EEA1: variants seen among roughly 807,000 people sequenced by gnomAD.
The protein encoded by EEA1 is early endosome antigen 1, also known as early endosome antigen 1, 162kD.
EEA1 carries 111 observed loss-of-function variants against 209.2 expected under a neutral mutation model. That is an observed-to-expected ratio of 0.53 (90% CI 0.45 to 0.62). The LOEUF (loss-of-function observed/expected upper bound fraction) is 0.62, where lower values mean the gene tolerates loss of function less well. EEA1 is among the 20% of genes least tolerant of loss of function. The pLI is 0.00. For synonymous variants in EEA1, 536 were observed against 540.6 expected (o/e 0.99, Z 0.12); for missense variants, 1,343 against 1,530.8 (o/e 0.88, Z 2.05).
intron 9 of EEA1, among the ~76,000 whole-genome samples, chr12:92,846,556 T>A (rs1009007176): frequency 1.3e-5 from 2 of 152,208 alleles, no homozygotes; most frequent in African/African-American, 4.8e-5. Context: ...ATCATTTCCA[T>A]TAAATACTAC....
intron 11 of EEA1, among the ~76,000 whole-genome samples, chr12:92,830,580 G>T (rs956024853): frequency 1.3e-5 from 2 of 152,022 alleles, no homozygotes; most frequent in East Asian, 1.9e-4. Context: ...GGAATAAAAA[G>T]AATATTTCAG....
chr12:92,842,634 T>TAA, intron 9 of EEA1, 53 bp from the exon 10 acceptor site: 1 of 1,074,628 alleles, frequency 9.3e-7, no homozygotes, highest in Non-Finnish European at 1.4e-6. Flanking sequence ...GTCTAAAAGA[T>TAA]AAAAAAAATG....
At position 92,821,985 on chromosome 12, in the gene EEA1, C is replaced by CATAT. The variant is rs200890634; in HGVS notation, c.1525-2478_1525-2475dup. 6.7e-5 allele frequency among the ~76,000 whole-genome samples: 10 copies of CATAT among 149,208 alleles called. No individual in the cohort carries two copies. The South Asian group carries it at 1.7e-3, about 25-fold the overall frequency. ...ACTACTCTTCTTCTGATCCATGAGA[C>CATAT]ATATATATATATACATATAACTACA... On this transcript the variant is annotated intron_variant, in intron 13 of 28. Transcript: ENST00000322349.
In EEA1 at chr12:92,775,985, T is replaced by C; in HGVS notation, c.*26A>G. ...TATTAAAAATCTAATGTTAGTGTAA[T>C]ATTACTCTGAAGTTGTGATAACCCA... On this transcript the variant is annotated 3_prime_UTR_variant, in exon 29 of 29. Coordinates refer to ENST00000322349, the MANE Select transcript of EEA1 (RefSeq NM_003566.4). 6.2e-7 allele frequency: 1 copy of C among 1,605,218 alleles called. No individual in the cohort carries two copies. The highest frequency in any genetic ancestry group is 8.5e-7 in the Non-Finnish European group (1 of 1,175,220).
intron 9 of EEA1, among the ~76,000 whole-genome samples, chr12:92,845,661 C>T (rs977966802): frequency 1.3e-5 from 2 of 152,148 alleles, no homozygotes; most frequent in Non-Finnish European, 2.9e-5. Flanking sequence ...CTTCCACTAC[C>T]GCCCATATGC....
intron 9 of EEA1, among the ~76,000 whole-genome samples, chr12:92,844,639 C>A (rs1877316153): frequency 6.6e-6 from 1 of 151,890 alleles, no homozygotes; most frequent in African/African-American, 2.4e-5. Context: ...TTTTGAATCC[C>A]AAAATTATTT....
chr12:92,845,211 G>A (rs1010083536), intron 9 of EEA1, among the ~76,000 whole-genome samples: 2 of 151,880 alleles, frequency 1.3e-5, no homozygotes, highest in African/African-American at 4.8e-5. Flanking sequence ...TTACTCAAGG[G>A]GACAATAAGG....
intron 9 of EEA1, among the ~76,000 whole-genome samples, chr12:92,849,830 A>G (rs1049420856): frequency 2.6e-5 from 4 of 152,214 alleles, no homozygotes; most frequent in African/African-American, 9.6e-5. Flanking sequence ...TAAGGAAGAG[A>G]TTCAAATTAA....
At chr12:92,886,978 A>C (rs759103670) in intron 2 of EEA1, among the ~76,000 whole-genome samples, 2 of 146,164 alleles carry the variant, frequency 1.4e-5, no homozygotes, top group Non-Finnish European at 3.0e-5. Flanking sequence ...CAGCCTGGGC[A>C]ACAGAGCGGG....
chr12:92,890,607 T>C (rs1879620719), intron 2 of EEA1, among the ~76,000 whole-genome samples: 1 of 152,178 alleles, frequency 6.6e-6, no homozygotes, highest in East Asian at 1.9e-4. Context: ...TTTGGTGTTG[T>C]TCTGATTGAG....
chr12:92,873,781 A>T (rs1173905443), intron 2 of EEA1, among the ~76,000 whole-genome samples: 1 of 152,232 alleles, frequency 6.6e-6, no homozygotes, highest in South Asian at 2.1e-4. Flanking sequence ...GAATCTCATG[A>T]CAATTAAATA....
intron 22 of EEA1, 149 bp downstream of exon 22, chr12:92,787,718 C>T: frequency 1.7e-6 from 1 of 572,274 alleles, no homozygotes; most frequent in Non-Finnish European, 2.7e-6. Flanking sequence ...TTTTTTAAAG[C>T]ATGCTAATAC....
intron 2 of EEA1, among the ~76,000 whole-genome samples, chr12:92,881,234 T>A (rs1003356637): frequency 2.0e-5 from 3 of 151,796 alleles, no homozygotes; most frequent in African/African-American, 7.3e-5. Context: ...CAAGACCCCA[T>A]CTCTATGAAA....
intron 1 of EEA1, among the ~76,000 whole-genome samples, chr12:92,900,591 T>C (rs561162431): frequency 6.6e-6 from 1 of 151,810 alleles, no homozygotes; most frequent in East Asian, 1.9e-4. Context: ...GATACACTCA[T>C]GGATGTGGCA....
chr12:92,840,518 G>T (rs543184219), intron 10 of EEA1, among the ~76,000 whole-genome samples: 1 of 152,234 alleles, frequency 6.6e-6, no homozygotes, highest in Admixed American at 6.5e-5. Flanking sequence ...CACCATGTTG[G>T]CCAGGCTGGT....
At chr12:92,928,675 G>A (rs1207083584) in intron 1 of EEA1, among the ~76,000 whole-genome samples, 1 of 152,124 alleles carries the variant, frequency 6.6e-6, no homozygotes, top group Non-Finnish European at 1.5e-5. Flanking sequence ...TCTCCAGCCC[G>A]GCAGGCGGCG....
At chr12:92,878,166 C>T (rs1361624230) in intron 2 of EEA1, among the ~76,000 whole-genome samples, 1 of 152,040 alleles carries the variant, frequency 6.6e-6, no homozygotes. Context: ...TTCAGGAGGC[C>T]AAGGTGGGAG....
chr12:92,824,614 GTTC>G (rs1001570900), intron 13 of EEA1, among the ~76,000 whole-genome samples: 5 of 152,074 alleles, frequency 3.3e-5, no homozygotes, highest in Admixed American at 2.0e-4. Context: ...ACATACTAAT[GTTC>G]TTCTCTCTGA....
At chr12:92,793,197 A>C (rs1874492103) in intron 21 of EEA1, among the ~76,000 whole-genome samples, 1 of 152,234 alleles carries the variant, frequency 6.6e-6, no homozygotes, top group Non-Finnish European at 1.5e-5. Context: ...AAAAACTGGA[A>C]GCATTCCCTT....
Sources: gnomAD v4.1 joint callset for allele counts (sites outside exome capture counted in the v4.1 genomes callset) on GRCh38, gnomAD v4.1.1 for gene constraint, MANE v1.5 for transcripts, NCBI Gene and HGNC (gene_info 2026-07-23, HGNC 2026-07-21) for gene names.